The following USP39 variants were observed in gnomAD, a reference collection of about 807,000 sequenced individuals.
The protein encoded by USP39 is ubiquitin specific peptidase 39, also known as ubiquitin carboxyl-terminal hydrolase 39.
A neutral mutation model predicts 66.4 loss-of-function variants in USP39; 38 were observed. The ratio of observed to expected loss-of-function variants is 0.57; its 90% CI spans 0.44 to 0.75. The LOEUF is 0.75. Among genes scored for constraint, USP39 ranks in the 30% least tolerant of loss-of-function variants. USP39 has a pLI of 0.00. For missense variants in USP39, 608 were observed against 714.4 expected (o/e 0.85, Z 1.70); for synonymous variants, 303 against 274.6 (o/e 1.10, Z -1.02).
chr2:85,614,397 C>G (rs60661938), upstream of USP39, among the ~76,000 whole-genome samples: 11,615 of 151,992 alleles, frequency 0.076, 1,500 homozygotes, highest in African/African-American at 0.26. Context: ...GCATGTAATC[C>G]CAGCTACTCA....
In USP39 at chr2:85,630,747, G is replaced by T; in HGVS notation, c.750G>T (p.Arg250=). The change falls in exon 6 of 13, where the codon CGG becomes CGT. Residue 250 remains arginine (R), a synonymous_variant. Transcript: ENST00000323701. ...LQALSNVPPL[R]NYFLEEDNYK... is the part of the protein sequence containing the mutation. ...CTCTATCTAATGTTCCTCCTCTCCG[G>T]AACTACTTTCTGGAAGAAGACAATT... The T allele has an allele frequency of 1.2e-6, 2 of 1,614,096 alleles. No individual in the cohort carries two copies. The highest frequency in any genetic ancestry group is 1.1e-5 in the South Asian group (1 of 91,072).
upstream of USP39, chr2:85,609,510 C>G (rs1359518031): frequency 1.9e-6 from 3 of 1,614,240 alleles, no homozygotes. Flanking sequence ...GGCCAGAAGG[C>G]TCCAGCTCAG....
upstream of USP39, chr2:85,609,560 C>G: frequency 6.2e-7 from 1 of 1,614,194 alleles, no homozygotes. Context: ...TCTTCATAGT[C>G]TGGGTTGCGT....
At chr2:85,616,109 C>G, upstream of USP39, 1 of 1,363,208 alleles carries the variant, frequency 7.3e-7, no homozygotes, top group Non-Finnish European at 9.5e-7. Flanking sequence ...GTTCGGGGCT[C>G]GCTACCAGCC....
upstream of USP39, chr2:85,611,894 G>A: frequency 2.5e-6 from 4 of 1,595,480 alleles, no homozygotes; most frequent in Non-Finnish European, 3.4e-6. Flanking sequence ...ATCTGGTTCC[G>A]TCGGATATGG....
chr2:85,614,565 A>G (rs1211345116), upstream of USP39, among the ~76,000 whole-genome samples: 3 of 152,206 alleles, frequency 2.0e-5, no homozygotes, highest in Admixed American at 6.5e-5. Context: ...TTGACAGAAT[A>G]GGGCGTTCCT....
rs773458360 is a variant in USP39 at position 85,616,396 on chromosome 2, C to T, written c.201C>T (p.Val67=). 1.8e-5 allele frequency: 29 copies of T among 1,603,604 alleles called. No homozygotes were observed. The highest frequency in any genetic ancestry group is 1.7e-4 in the African/African-American group (13 of 74,386). ...CGCGCGAGGCCCCGGCTTCTGTTGT[C>T]CCGTTTGTGCGGGTGAAGCGGGAGC... is the stretch of plus-strand genomic sequence containing the variant. The part of the protein sequence containing the change: ...ASAREAPASV[V]PFVRVKRERE... The change falls in exon 1 of 13, where the codon GTC becomes GTT. Residue 67 remains valine (V), a synonymous_variant. Transcript: ENST00000323701.
chr2:85,636,129 G>C lies in USP39; in HGVS notation c.1026G>C (p.Lys342Asn). Reference sequence around the variant, plus strand: ...TGGGGGGCACAAAGAAGAAAAAGAAGAGTAAGTCATTTACTTATAAAAAGG... The same window carrying C: ...TGGGGGGCACAAAGAAGAAAAAGAACAGTAAGTCATTTACTTATAAAAAGG... ...SALGGTKKKK[K>N]TIVTDVFQGS... The change falls in exon 7 of 13, where the codon AAG becomes AAC. Residue 342 changes from lysine to asparagine, a missense_variant and splice_region_variant. Transcript: ENST00000323701. 1 of 1,613,408 alleles carries C rather than the reference G, an allele frequency of 6.2e-7. No individual in the cohort carries two copies. The highest frequency in any genetic ancestry group is 8.5e-7 in the Non-Finnish European group (1 of 1,179,806).
intron 1 of USP39, chr2:85,603,230 A>G (rs1052734804): frequency 6.6e-6 from 1 of 152,294 alleles, no homozygotes; most frequent in African/African-American, 2.4e-5. Flanking sequence ...CCTGTGGCTC[A>G]GCAAACTCCG....
At chr2:85,639,463 T>C (rs1676065101) in intron 9 of USP39, 72 bp downstream of exon 9, 1 of 1,485,198 alleles carries the variant, frequency 6.7e-7, no homozygotes, top group Non-Finnish European at 9.0e-7. Context: ...TCTTTTTTTT[T>C]TTTTTTTCAA....
chr2:85,621,395 G>A, intron 2 of USP39, 90 bp from the exon 3 acceptor site: 2 of 1,039,420 alleles, frequency 1.9e-6, no homozygotes, highest in Non-Finnish European at 3.0e-6. Flanking sequence ...GATGTTATGT[G>A]GTATCATGGG....
intron 2 of USP39, among the ~76,000 whole-genome samples, chr2:85,620,206 T>A (rs1258338008): frequency 6.7e-6 from 1 of 150,032 alleles, no homozygotes; most frequent in Non-Finnish European, 1.5e-5. Context: ...TATGGCCGGG[T>A]GCTCTGGCTC....
upstream of USP39, chr2:85,616,106 G>T: frequency 1.5e-6 from 2 of 1,362,514 alleles, no homozygotes; most frequent in Non-Finnish European, 1.9e-6. Flanking sequence ...AGAGTTCGGG[G>T]CTCGCTACCA....
chr2:85,646,127 G>A (rs1389366117), intron 11 of USP39: 1 of 152,200 alleles, frequency 6.6e-6, no homozygotes, highest in African/African-American at 2.4e-5. Context: ...GGATTTTAAC[G>A]TGACCCTCTG....
At position 85,648,846 on chromosome 2, in the gene USP39, T is replaced by G; in HGVS notation, c.*38T>G. The G allele has an allele frequency of 6.2e-7, 1 of 1,611,928 alleles. No individual in the cohort carries two copies. The highest frequency in any genetic ancestry group is 8.5e-7 in the Non-Finnish European group (1 of 1,178,984). ...GGGCTTTGCTCCCAAGGGCTGTGGCTGATGATGGTAAATAAGAACACAGAA... is the reference window on the plus strand; with the variant it reads ...GGGCTTTGCTCCCAAGGGCTGTGGCGGATGATGGTAAATAAGAACACAGAA... On this transcript the variant is annotated 3_prime_UTR_variant, in exon 13 of 13. Coordinates refer to ENST00000323701, the MANE Select transcript of USP39 (RefSeq NM_006590.4).
chr2:85,615,811 G>A (rs534727347), upstream of USP39, among the ~76,000 whole-genome samples: 30 of 152,120 alleles, frequency 2.0e-4, no homozygotes, highest in Non-Finnish European at 3.5e-4. Context: ...TGTATTTTTA[G>A]TAGAGACGGG....
In USP39 at chr2:85,623,778, T is replaced by C. The variant is rs377622928; in HGVS notation, c.566T>C (p.Ile189Thr). 5.0e-6 allele frequency: 8 copies of C among 1,611,462 alleles called. No homozygotes were observed. The highest frequency in any genetic ancestry group is 6.8e-6 in the Non-Finnish European group (8 of 1,179,078). Reference protein sequence around the residue: ...YEIIDSSLEDITYVLKPTFTK... With the variant: ...YEIIDSSLEDTTYVLKPTFTK... ...ATCATCGATTCCTCATTGGAGGATA[T>C]CACGGTGTGTGTCTAAGAGGGTTGG... The change falls in exon 4 of 13, where the codon ATC becomes ACC. Residue 189 changes from isoleucine to threonine, a missense_variant. Physicochemically the swap from Ile to Thr is moderately conservative, Grantham distance 89. Transcript: ENST00000323701.
chr2:85,639,435 C>G lies in USP39; in HGVS notation c.1284+44C>G, dbSNP rs59227664. 0.015 allele frequency: 21,471 copies of G among 1,480,498 alleles called. 2,607 individuals carry two copies. The African/African-American group carries it at 0.27, about 18-fold the overall frequency. 91.7% of individuals were successfully genotyped at this position (1,480,498 alleles called of 1,614,324 possible). On this transcript the variant is annotated intron_variant, in intron 9 of 12. Transcript: ENST00000323701. The stretch of plus-strand genomic sequence containing the variant: ...TGCCCTGCCTATACTTACCCTCGCT[C>G]TCTCGACTTTTTCATTTTCTTTTTT...
chr2:85,621,062 A>G (rs1194216321), intron 2 of USP39: 1 of 153,668 alleles, frequency 6.5e-6, no homozygotes, highest in Non-Finnish European at 1.5e-5. Context: ...GTGGTGGATC[A>G]GAGCTCATTA....
Sources: gnomAD v4.1 joint callset for allele counts (sites outside exome capture counted in the v4.1 genomes callset) on GRCh38, gnomAD v4.1.1 for gene constraint, MANE v1.5 for transcripts, NCBI Gene and HGNC (gene_info 2026-07-23, HGNC 2026-07-21) for gene names.